The following DZIP3 variants were observed in gnomAD, a reference collection of about 807,000 sequenced individuals.
DZIP3 encodes E3 ubiquitin-protein ligase DZIP3.
DZIP3 carries 118 observed loss-of-function variants against 162.0 expected under a neutral mutation model. The ratio of observed to expected loss-of-function variants is 0.73; its 90% CI spans 0.63 to 0.85. The LOEUF (loss-of-function observed/expected upper bound fraction) is 0.85. Among genes scored for constraint, DZIP3 ranks in the 40% least tolerant of loss-of-function variants. DZIP3 has a pLI of 0.00. For missense variants in DZIP3, 1,331 were observed against 1,407.0 expected, an observed-to-expected ratio of 0.95 and a Z score of 0.86; for synonymous variants, 438 against 458.6, an observed-to-expected ratio of 0.96 and a Z score of 0.57.
chr3:108,625,154 C>CT (rs1553704304), intron 6 of DZIP3, among the ~76,000 whole-genome samples: 13 of 151,158 alleles, frequency 8.6e-5, no homozygotes, highest in Non-Finnish European at 1.6e-4. Context: ...ATTTTTCCAG[C>CT]TTTTTTTTTC....
Position 108,662,154 on chromosome 3 carries a change from G to A in DZIP3, c.2320G>A (p.Val774Met), listed in dbSNP as rs1179421773. ...CEDFKRQLRT[V>M]TFRWQENQMQ... is the part of the protein sequence containing the mutation. ...GGATTTCAAAAGACAGTTGAGAACA[G>A]TGACTTTTCGGTGGCAAGAAAACCA... The change falls in exon 21 of 33, where the codon GTG (valine) becomes ATG (methionine). Residue 774 changes from valine to methionine, a missense_variant. Val to Met is a conservative substitution (Grantham distance 21). This residue lies in a region of DZIP3 where 1,278 missense variants were observed against 1,317.1 expected (regional missense o/e 0.97). Coordinates refer to ENST00000361582, the MANE Select transcript of DZIP3 (RefSeq NM_014648.4). 1 of 1,606,660 alleles carries A rather than the reference G, an allele frequency of 6.2e-7. No homozygotes were observed. The highest frequency in any genetic ancestry group is 8.5e-7 in the Non-Finnish European group (1 of 1,178,074).
At chr3:108,590,657 A>G (rs1333270584) in intron 1 of DZIP3, among the ~76,000 whole-genome samples, 1 of 152,242 alleles carries the variant, frequency 6.6e-6, no homozygotes, top group Non-Finnish European at 1.5e-5. Context: ...ACAAAATAGT[A>G]CTTTTGAAAT....
At chr3:108,644,136 G>C in intron 13 of DZIP3, 28 bp from the exon 14 acceptor site, 1 of 1,561,964 alleles carries the variant, frequency 6.4e-7, no homozygotes, top group Non-Finnish European at 8.6e-7. Flanking sequence ...AATGTGGAAT[G>C]TCTTGACTTC....
At chr3:108,662,733 A>T (rs1218169356) in intron 21 of DZIP3, among the ~76,000 whole-genome samples, 2 of 152,064 alleles carry the variant, frequency 1.3e-5, no homozygotes, top group Non-Finnish European at 2.9e-5. Flanking sequence ...CCTTACCCCA[A>T]TCTCTTTTCT....
intron 19 of DZIP3, among the ~76,000 whole-genome samples, chr3:108,656,430 G>T (rs977280872): frequency 1.3e-5 from 2 of 152,134 alleles, no homozygotes; most frequent in Non-Finnish European, 2.9e-5. Flanking sequence ...TGCAGCTGAG[G>T]GTCCTGACTG....
chr3:108,651,029 T>G, intron 17 of DZIP3, 108 bp from the exon 18 acceptor site: 1 of 378,418 alleles, frequency 2.6e-6, no homozygotes, highest in Non-Finnish European at 4.3e-6. Context: ...ATTTCTTTAG[T>G]TATGATCAAA....
rs143989981 is a variant in DZIP3, at chr3:108,620,829, G to C, written c.376-3615G>C. Among the ~76,000 whole-genome samples, 6 of 152,100 alleles carry C rather than the reference G, an allele frequency of 3.9e-5. No individual in the cohort carries two copies. The East Asian group carries it at 9.7e-4, about 25-fold the overall frequency. ...CATTGTTTTTGTTTTGTTTTGTTTT[G>C]TTTTTGTTTTGAGATGGAGTCTCAC... On this transcript the variant is annotated intron_variant, in intron 5 of 32. Coordinates refer to ENST00000361582, the MANE Select transcript of DZIP3 (RefSeq NM_014648.4).
intron 17 of DZIP3, among the ~76,000 whole-genome samples, chr3:108,650,452 G>A (rs1942815075): frequency 6.6e-6 from 1 of 151,752 alleles, no homozygotes; most frequent in African/African-American, 2.4e-5. Flanking sequence ...TATCTGTAGA[G>A]AAGGAGACCC....
intron 1 of DZIP3, among the ~76,000 whole-genome samples, chr3:108,592,661 A>C (rs1332997334): frequency 6.8e-6 from 1 of 147,578 alleles, no homozygotes; most frequent in Non-Finnish European, 1.5e-5. Context: ...GCCCCACTGC[A>C]CTCCAGCCTG....
intron 19 of DZIP3, among the ~76,000 whole-genome samples, chr3:108,657,888 AAAG>A (rs1189439036): frequency 4.6e-5 from 7 of 152,326 alleles, no homozygotes; most frequent in Non-Finnish European, 8.8e-5. Context: ...CAAAAGAGAC[AAAG>A]AAGGTCTTTA....
chr3:108,658,767 G>C (rs1402753671), intron 19 of DZIP3, among the ~76,000 whole-genome samples: 1 of 151,992 alleles, frequency 6.6e-6, no homozygotes, highest in Non-Finnish European at 1.5e-5. Flanking sequence ...GAAGAAAAGA[G>C]AGAAGAATCA....
At chr3:108,656,382 A>G (rs1468617745) in intron 19 of DZIP3, among the ~76,000 whole-genome samples, 1 of 152,154 alleles carries the variant, frequency 6.6e-6, no homozygotes, top group Non-Finnish European at 1.5e-5. Context: ...CCAGGCAAAC[A>G]GGGTCTGGAG....
At chr3:108,599,664 C>A (rs564806208) in intron 1 of DZIP3, among the ~76,000 whole-genome samples, 2 of 152,228 alleles carry the variant, frequency 1.3e-5, no homozygotes, top group East Asian at 3.9e-4. Context: ...GAAATCCTAA[C>A]CCCCAATGTG....
At chr3:108,682,689 G>A (rs6437791) in intron 26 of DZIP3, among the ~76,000 whole-genome samples, 107,643 of 150,122 alleles carry the variant, frequency 0.72, 39,605 homozygotes, top group Middle Eastern at 0.79. Flanking sequence ...AAGTTCTGGC[G>A]TTCTATTAGT....
Position 108,644,661 on chromosome 3 carries a change from A to T in DZIP3, c.1639A>T (p.Ile547Phe). The change falls in exon 14 of 33, where the codon ATT becomes TTT. Residue 547 changes from isoleucine (I) to phenylalanine (F), a missense_variant. Around this residue, in one of 2 missense-constraint regions of DZIP3, gnomAD observed 1,278 missense variants for 1,317.1 expected, o/e 0.97. Coordinates refer to ENST00000361582, the MANE Select transcript of DZIP3 (RefSeq NM_014648.4). ...LLRLGMMQED[I>F]DKVKENPIEN... ...GCGCCTTGGGATGATGCAAGAGGAT[A>T]TTGACAAAGTGAAGGAGAATCCCAT... is the stretch of plus-strand genomic sequence containing the variant. The T allele has an allele frequency of 1.9e-6, 3 of 1,614,042 alleles. No individual in the cohort carries two copies. Among genetic ancestry groups the T allele is most frequent in the Non-Finnish European group, 2.5e-6 (3 of 1,179,954 alleles).
At chr3:108,662,084 G>A (rs772070533) in intron 20 of DZIP3, 46 bp from the exon 21 acceptor site, 41 of 1,567,748 alleles carry the variant, frequency 2.6e-5, no homozygotes, top group Non-Finnish European at 3.3e-5. Flanking sequence ...TTCAATTTCT[G>A]GTGACTTGAA....
In DZIP3 at chr3:108,644,481, T is replaced by C; in HGVS notation, c.1459T>C (p.Trp487Arg). ...TGTGTTCCCTGCACCCAAAAAAGGA[T>C]GGAATATGGAACCGCCATCTTCTGA... ...LNVFPAPKKG[W>R]NMEPPSSDIS... Residue 487 changes from tryptophan (W) to arginine (R), a missense_variant, in exon 14 of 33, where the codon TGG becomes CGG. By Grantham distance (101) the Trp-to-Arg change is moderately radical. Transcript: ENST00000361582. 6.2e-7 allele frequency: 1 copy of C among 1,614,116 alleles called. No individual in the cohort carries two copies. Among genetic ancestry groups the C allele is most frequent in the South Asian group, 1.1e-5 (1 of 91,080 alleles).
At chr3:108,594,480 G>T (rs1359692854) in intron 1 of DZIP3, among the ~76,000 whole-genome samples, 1 of 134,122 alleles carries the variant, frequency 7.5e-6, no homozygotes, top group Admixed American at 9.1e-5. Context: ...TACATGTGCA[G>T]GTTTGTTACA....
At chr3:108,607,043 A>C (rs1390906683) in intron 2 of DZIP3, among the ~76,000 whole-genome samples, 1 of 152,190 alleles carries the variant, frequency 6.6e-6, no homozygotes, top group Non-Finnish European at 1.5e-5. Flanking sequence ...CCTTGATAGC[A>C]CAAAGATATA....
Sources: gnomAD v4.1 joint callset for allele counts (sites outside exome capture counted in the v4.1 genomes callset) on GRCh38, gnomAD v4.1.1 for gene constraint, gnomAD v4.1.1 regional missense constraint, MANE v1.5 for transcripts, NCBI Gene and HGNC (gene_info 2026-07-23, HGNC 2026-07-21) for gene names.